Variants in HDAC9 observed in about 807,000 individuals in gnomAD.
The protein encoded by HDAC9 is histone deacetylase 9.
A neutral mutation model predicts 139.4 loss-of-function variants in HDAC9; 41 were observed. The observed-to-expected ratio is 0.29, with a 90% CI of 0.23 to 0.38. HDAC9 has a LOEUF of 0.38. Ranked by LOEUF, HDAC9 falls within the 10% of genes least tolerant of loss-of-function variation. The pLI is 1.00. For missense variants in HDAC9, 1,147 were observed against 1,297.0 expected (o/e 0.88, Z 1.78); for synonymous variants, 517 against 476.2 (o/e 1.09, Z -1.12).
intron 2 of HDAC9, among the ~76,000 whole-genome samples, chr7:18,520,241 A>G (rs1407985618): frequency 6.6e-6 from 1 of 152,140 alleles, no homozygotes; most frequent in South Asian, 2.1e-4. Context: ...TAAAGTAATC[A>G]TGCTATATTT....
intron 2 of HDAC9, among the ~76,000 whole-genome samples, chr7:18,198,283 TAGC>T: frequency 6.6e-6 from 1 of 152,138 alleles, no homozygotes; most frequent in South Asian, 2.1e-4. Flanking sequence ...CCATTTTATA[TAGC>T]ATTAAGTTAA....
At chr7:18,189,920 G>GTGT (rs1219369517) in intron 2 of HDAC9, among the ~76,000 whole-genome samples, 9 of 145,056 alleles carry the variant, frequency 6.2e-5, no homozygotes, top group African/African-American at 2.3e-4. Flanking sequence ...ACTTGTGTGT[G>GTGT]GTGTGTGTGT....
At chr7:18,516,708 A>G (rs966358414) in intron 2 of HDAC9, among the ~76,000 whole-genome samples, 2 of 152,100 alleles carry the variant, frequency 1.3e-5, no homozygotes, top group African/African-American at 4.8e-5. Flanking sequence ...TAAAAGTACA[A>G]AACTTAGCCA....
chr7:18,184,095 T>C (rs556485548), intron 2 of HDAC9, among the ~76,000 whole-genome samples: 2 of 152,198 alleles, frequency 1.3e-5, no homozygotes, highest in African/African-American at 4.8e-5. Context: ...TTGGAATATT[T>C]GCATATAAAT....
At chr7:18,415,398 T>C (rs1012263199) in intron 1 of HDAC9, among the ~76,000 whole-genome samples, 2 of 152,222 alleles carry the variant, frequency 1.3e-5, no homozygotes, top group Non-Finnish European at 2.9e-5. Flanking sequence ...CTTCCTTCTT[T>C]AGAGGCCTTT....
chr7:18,091,869 A>G lies in HDAC9; in HGVS notation c.-97+4656A>G, dbSNP rs183836572. Among the ~76,000 whole-genome samples, 322 of 152,292 alleles carry G rather than the reference A, an allele frequency of 2.1e-3. 1 individual carries two copies. Among genetic ancestry groups the G allele is most frequent in the African/African-American group, 7.6e-3 (314 of 41,558 alleles). On this transcript the variant is annotated intron_variant, in intron 1 of 12. Transcript: ENST00000417496. ...TTCAGAGGCTGCCCTTAACTCTTAG[A>G]GGCTGCTGTTATTCTTTGCCATGTG...
At chr7:18,659,733 T>C (rs1792524260) in intron 11 of HDAC9, among the ~76,000 whole-genome samples, 1 of 152,136 alleles carries the variant, frequency 6.6e-6, no homozygotes, top group Non-Finnish European at 1.5e-5. Context: ...CTGAAGTAAC[T>C]CACCTGGTGT....
In HDAC9 at chr7:18,651,728, C is replaced by G. The variant is rs911225545; in HGVS notation, c.1467+3045C>G. Among the ~76,000 whole-genome samples the G allele has an allele frequency of 2.0e-4, 30 of 152,044 alleles. 1 individual carries two copies. Among genetic ancestry groups the G allele is most frequent in the Non-Finnish European group, 7.4e-5 (5 of 68,004 alleles). On this transcript the variant is annotated intron_variant, in intron 11 of 25. Transcript: ENST00000686413. ...GTTATTAATCATACAAAATAATTTA[C>G]CTACTTGTTGCCTTATACTTTAATA...
At chr7:18,834,612 A>C (rs1408912373) in intron 19 of HDAC9, among the ~76,000 whole-genome samples, 1 of 151,342 alleles carries the variant, frequency 6.6e-6, no homozygotes, top group African/African-American at 2.4e-5. Flanking sequence ...GAAAGCTATG[A>C]TATGATATTA....
intron 21 of HDAC9, among the ~76,000 whole-genome samples, chr7:18,842,208 T>A (rs572262620): frequency 1.3e-5 from 2 of 152,238 alleles, no homozygotes; most frequent in East Asian, 3.9e-4. Context: ...AAGCTCATGA[T>A]ATCATGTATT....
intron 22 of HDAC9, among the ~76,000 whole-genome samples, chr7:18,911,870 G>A (rs550073060): frequency 6.6e-6 from 1 of 151,954 alleles, no homozygotes; most frequent in Non-Finnish European, 1.5e-5. Context: ...TATCTGATAT[G>A]ATTTCAATTT....
At chr7:18,682,370 G>T (rs1340892287) in intron 12 of HDAC9, among the ~76,000 whole-genome samples, 1 of 151,896 alleles carries the variant, frequency 6.6e-6, no homozygotes, top group Non-Finnish European at 1.5e-5. Flanking sequence ...AGTTCTTTGT[G>T]TATGATTAAT....
chr7:18,822,381 T>C (rs981484784), intron 17 of HDAC9, among the ~76,000 whole-genome samples: 2 of 151,952 alleles, frequency 1.3e-5, no homozygotes, highest in Non-Finnish European at 2.9e-5. Context: ...TGAGATGGAG[T>C]CTCACTCTTG....
chr7:18,857,649 C>T (rs1046570610), intron 21 of HDAC9, among the ~76,000 whole-genome samples: 2 of 152,040 alleles, frequency 1.3e-5, no homozygotes. Context: ...TTGCTTCATC[C>T]ATGCCATCTG....
intron 17 of HDAC9, among the ~76,000 whole-genome samples, chr7:18,809,936 T>C (rs896895180): frequency 2.0e-5 from 3 of 152,000 alleles, no homozygotes; most frequent in African/African-American, 7.2e-5. Flanking sequence ...CTTTGAAGCA[T>C]TACTCACAAT....
intron 1 of HDAC9, among the ~76,000 whole-genome samples, chr7:18,333,659 T>A (rs1406454846): frequency 6.6e-6 from 1 of 151,418 alleles, no homozygotes; most frequent in Non-Finnish European, 1.5e-5. Flanking sequence ...TATATTAGTA[T>A]TAAATAATTT....
At chr7:18,961,786 A>C (rs1783544051) in intron 24 of HDAC9, among the ~76,000 whole-genome samples, 1 of 152,296 alleles carries the variant, frequency 6.6e-6, no homozygotes, top group South Asian at 2.1e-4. Flanking sequence ...ATCAAGGTTC[A>C]TTGTATTCCC....
intron 25 of HDAC9, among the ~76,000 whole-genome samples, chr7:18,980,398 G>C (rs769809909): frequency 1.5e-4 from 23 of 152,182 alleles, no homozygotes; most frequent in Non-Finnish European, 2.5e-4. Context: ...TACAGAGGAA[G>C]AGTAGAGCTT....
chr7:18,352,890 G>C (rs561979384), intron 1 of HDAC9, among the ~76,000 whole-genome samples: 1 of 152,040 alleles, frequency 6.6e-6, no homozygotes, highest in Non-Finnish European at 1.5e-5. Context: ...TCTTTTAACA[G>C]CCTCACCATA....
Sources: allele counts gnomAD v4.1 joint callset (sites outside exome capture counted in the v4.1 genomes callset), GRCh38; gene constraint gnomAD v4.1.1; transcripts MANE v1.5; gene names NCBI Gene and HGNC (gene_info 2026-07-23, HGNC 2026-07-21).